PDE4D: variants seen among roughly 807,000 people sequenced by gnomAD.
The protein encoded by PDE4D is phosphodiesterase 4D.
In PDE4D, 24 loss-of-function variants were observed where a neutral mutation model predicts 87.4. The ratio of observed to expected loss-of-function variants is 0.27; its 90% CI spans 0.20 to 0.39. PDE4D has a LOEUF of 0.39. Among genes scored for constraint, PDE4D ranks in the 10% least tolerant of loss-of-function variants. PDE4D has a pLI of 1.00. For missense variants in PDE4D, 714 were observed against 1,041.0 expected, an observed-to-expected ratio of 0.69 and a Z score of 4.32; for synonymous variants, 384 against 383.2, an observed-to-expected ratio of 1.00 and a Z score of -0.02.
At position 58,970,863 on chromosome 5, in the gene PDE4D, A is replaced by G. The variant is rs1008840060; in HGVS notation, c.*3801T>C. 1 of 151,960 alleles carries G rather than the reference A, an allele frequency of 6.6e-6. No homozygotes were observed. Among genetic ancestry groups the G allele is most frequent in the African/African-American group, 2.4e-5 (1 of 41,372 alleles). 9.4% of individuals were successfully genotyped at this position (151,960 alleles called of 1,614,324 possible). A position where few individuals can be genotyped will look rare whatever the true frequency, so the allele number is the denominator to read the frequency against. On this transcript the variant is annotated 3_prime_UTR_variant, in exon 15 of 15. Transcript: ENST00000340635. ...CTTAAAAAAAAGAAAAAGATTGTTT[A>G]TAATCACTGGGAAAGAATATATTTC...
At chr5:60,514,637 G>A (rs756085560) in intron 1 of PDE4D, among the ~76,000 whole-genome samples, 7 of 151,846 alleles carry the variant, frequency 4.6e-5, no homozygotes, top group East Asian at 3.9e-4. Flanking sequence ...AAAATTTAAC[G>A]TCTAACAAGA....
intron 2 of PDE4D, among the ~76,000 whole-genome samples, chr5:60,077,354 T>C (rs1292838361): frequency 6.6e-6 from 1 of 152,232 alleles, no homozygotes; most frequent in Admixed American, 6.5e-5. Flanking sequence ...TTGGTGAGTA[T>C]GTGAAGGCCA....
intron 1 of PDE4D, among the ~76,000 whole-genome samples, chr5:59,417,160 A>G (rs1180963509): frequency 6.6e-6 from 1 of 152,130 alleles, no homozygotes; most frequent in Non-Finnish European, 1.5e-5. Context: ...AACTTAAGCA[A>G]AAATTATCTA....
chr5:59,858,563 A>C (rs1457530452), intron 1 of PDE4D, among the ~76,000 whole-genome samples: 1 of 152,106 alleles, frequency 6.6e-6, no homozygotes, highest in Non-Finnish European at 1.5e-5. Context: ...AGGCAAGCTC[A>C]TCAGTCCCAG....
At chr5:60,019,677 A>G (rs1236065513) in intron 2 of PDE4D, among the ~76,000 whole-genome samples, 3 of 152,276 alleles carry the variant, frequency 2.0e-5, no homozygotes, top group East Asian at 3.9e-4. Context: ...CAGCCTTCAT[A>G]GAAATAAGGA....
intron 3 of PDE4D, among the ~76,000 whole-genome samples, chr5:59,965,037 C>T (rs1759881549): frequency 6.6e-6 from 1 of 152,188 alleles, no homozygotes; most frequent in African/African-American, 2.4e-5. Context: ...ACCACCACGA[C>T]TACCCAATGA....
At chr5:59,355,500 T>C (rs910832666) in intron 1 of PDE4D, among the ~76,000 whole-genome samples, 3 of 152,174 alleles carry the variant, frequency 2.0e-5, no homozygotes, top group Non-Finnish European at 4.4e-5. Context: ...GTTCTAAATG[T>C]ACAATTTAGC....
intron 1 of PDE4D, among the ~76,000 whole-genome samples, chr5:59,761,985 T>A (rs574530420): frequency 1.9e-4 from 29 of 152,238 alleles, no homozygotes; most frequent in African/African-American, 6.7e-4. Flanking sequence ...ACTAGGTGAT[T>A]GGAATTTTTC....
intron 1 of PDE4D, among the ~76,000 whole-genome samples, chr5:60,279,003 A>T (rs1423356372): frequency 1.3e-5 from 2 of 152,182 alleles, no homozygotes; most frequent in African/African-American, 2.4e-5. Flanking sequence ...AAGAGATGCC[A>T]TTTCTTATTT....
chr5:60,304,366 C>A (rs1465701061), intron 1 of PDE4D, among the ~76,000 whole-genome samples: 2 of 151,950 alleles, frequency 1.3e-5, no homozygotes, highest in Non-Finnish European at 2.9e-5. Context: ...GAGAGAAGGG[C>A]CGGGCGCGGT....
rs549282014 is a variant in PDE4D at position 59,495,164 on chromosome 5, C to T, written c.456-279196G>A. ...TGATCACTTCTGGATATAACTTGCT[C>T]AGCTCCTTGACCACACTGAAGTCGG... On this transcript the variant is annotated intron_variant, in intron 1 of 14. Transcript: ENST00000340635. Among the ~76,000 whole-genome samples, 10 of 152,316 alleles carry T rather than the reference C, an allele frequency of 6.6e-5. No homozygotes were observed. In the South Asian group the frequency reaches 8.3e-4, roughly 13 times the overall value.
chr5:59,694,188 A>AACTT (rs1751408477), intron 1 of PDE4D, among the ~76,000 whole-genome samples: 1 of 152,188 alleles, frequency 6.6e-6, no homozygotes, highest in Non-Finnish European at 1.5e-5. Context: ...AACAAAACAA[A>AACTT]ACTTTATTAT....
intron 2 of PDE4D, among the ~76,000 whole-genome samples, chr5:60,092,721 A>G (rs1775266294): frequency 6.6e-6 from 1 of 152,170 alleles, no homozygotes; most frequent in Non-Finnish European, 1.5e-5. Context: ...ACTCTACTCC[A>G]ATGAGGCCTA....
At chr5:60,067,604 GTACAA>G (rs1219377825) in intron 2 of PDE4D, among the ~76,000 whole-genome samples, 17 of 152,046 alleles carry the variant, frequency 1.1e-4, no homozygotes, top group Admixed American at 9.8e-4. Flanking sequence ...ATGCATATGT[GTACAA>G]TACATTATTG....
At chr5:59,383,146 T>C (rs1786237188) in intron 1 of PDE4D, among the ~76,000 whole-genome samples, 1 of 152,156 alleles carries the variant, frequency 6.6e-6, no homozygotes, top group African/African-American at 2.4e-5. Flanking sequence ...TATTTCCCGG[T>C]GTAAATTCAA....
chr5:60,114,468 C>T (rs140713654), intron 2 of PDE4D, among the ~76,000 whole-genome samples: 519 of 152,176 alleles, frequency 3.4e-3, no homozygotes, highest in African/African-American at 0.012. Flanking sequence ...CTTGACCCTG[C>T]AGAACCTCAC....
At chr5:60,309,414 C>G (rs1245918618) in intron 1 of PDE4D, among the ~76,000 whole-genome samples, 1 of 152,008 alleles carries the variant, frequency 6.6e-6, no homozygotes, top group Non-Finnish European at 1.5e-5. Flanking sequence ...CTATGGAAAC[C>G]AGTGGATCCT....
intron 1 of PDE4D, among the ~76,000 whole-genome samples, chr5:60,324,170 T>A (rs1447642279): frequency 6.6e-6 from 1 of 152,192 alleles, no homozygotes; most frequent in Non-Finnish European, 1.5e-5. Context: ...AGAATTTTTG[T>A]TGGGTGAATG....
chr5:60,052,504 A>C (rs1385758916), intron 2 of PDE4D, among the ~76,000 whole-genome samples: 2 of 151,850 alleles, frequency 1.3e-5, no homozygotes, highest in African/African-American at 4.8e-5. Context: ...CATGCTAAAA[A>C]CTCTCAATAC....
Sources: allele counts gnomAD v4.1 joint callset (sites outside exome capture counted in the v4.1 genomes callset), GRCh38; gene constraint gnomAD v4.1.1; transcripts MANE v1.5; gene names NCBI Gene and HGNC (gene_info 2026-07-23, HGNC 2026-07-21).